FCHSD2: variants seen among roughly 807,000 people sequenced by gnomAD.
FCHSD2 encodes the protein FCH and double SH3 domains 2.
A neutral mutation model predicts 108.1 loss-of-function variants in FCHSD2; 38 were observed. The ratio of observed to expected loss-of-function variants is 0.35; its 90% CI spans 0.27 to 0.46. FCHSD2 has a LOEUF of 0.46. Among genes scored for constraint, FCHSD2 ranks in the 20% least tolerant of loss-of-function variants. The pLI, the probability that FCHSD2 is intolerant of heterozygous loss-of-function variation, is 1.00. For synonymous variants in FCHSD2, 279 were observed against 314.7 expected (o/e 0.89, Z 1.20); for missense variants, 751 against 897.8 (o/e 0.84, Z 2.09).
intron 12 of FCHSD2, among the ~76,000 whole-genome samples, chr11:72,885,056 G>A (rs1855168120): frequency 6.6e-6 from 1 of 152,158 alleles, no homozygotes; most frequent in African/African-American, 2.4e-5. Flanking sequence ...ACAGGCAGAA[G>A]AAAGGAAAAG....
Position 73,070,966 on chromosome 11 carries a change from C to G in FCHSD2, c.165+12729G>C, listed in dbSNP as rs1299864492. On this transcript the variant is annotated intron_variant, in intron 3 of 19. Transcript: ENST00000409418. ...TAAAGCAGAAGTTGCAAACTGGCAT[C>G]CTTCAGATGGGAAGGGCCTTTACAC... 2.0e-5 allele frequency among the ~76,000 whole-genome samples: 3 copies of G among 152,212 alleles called. No homozygotes were observed. The South Asian group carries it at 6.2e-4, about 32-fold the overall frequency.
chr11:72,994,115 A>G (rs7951491), intron 5 of FCHSD2, among the ~76,000 whole-genome samples: 303 of 152,240 alleles, frequency 2.0e-3, no homozygotes, highest in African/African-American at 6.9e-3. Context: ...TGGAGGACCA[A>G]ACAGAATAAC....
chr11:72,952,715 T>C (rs905579393), intron 8 of FCHSD2, among the ~76,000 whole-genome samples: 10 of 152,106 alleles, frequency 6.6e-5, no homozygotes, highest in East Asian at 3.9e-4. Context: ...TAGTGGAAGA[T>C]AAGGGAAGGA....
intron 2 of FCHSD2, among the ~76,000 whole-genome samples, chr11:73,106,328 C>T (rs1049634551): frequency 1.4e-4 from 21 of 151,304 alleles, no homozygotes; most frequent in African/African-American, 5.1e-4. Flanking sequence ...ATTGCTTGAG[C>T]CCATGAAGTC....
intron 4 of FCHSD2, among the ~76,000 whole-genome samples, chr11:73,009,906 G>A (rs1395287132): frequency 6.6e-6 from 1 of 152,106 alleles, no homozygotes; most frequent in East Asian, 1.9e-4. Context: ...CATCTGCCTG[G>A]GGGGGTCTCA....
chr11:73,018,783 A>T (rs1363487380), intron 3 of FCHSD2, among the ~76,000 whole-genome samples: 2 of 152,198 alleles, frequency 1.3e-5, no homozygotes, highest in Non-Finnish European at 2.9e-5. Flanking sequence ...TGGCTTTAAT[A>T]TAATAAATTC....
intron 3 of FCHSD2, among the ~76,000 whole-genome samples, chr11:73,070,548 T>C (rs1460782493): frequency 6.6e-6 from 1 of 152,056 alleles, no homozygotes; most frequent in Admixed American, 6.6e-5. Context: ...CTCAGCCTCC[T>C]GAGTAGCTGG....
intron 19 of FCHSD2, among the ~76,000 whole-genome samples, chr11:72,840,237 CA>C (rs1860872982): frequency 6.6e-6 from 1 of 152,202 alleles, no homozygotes; most frequent in African/African-American, 2.4e-5. Flanking sequence ...GATAAAGACT[CA>C]AGTCCTTAAG....
At chr11:72,935,887 T>C (rs77363286) in intron 8 of FCHSD2, among the ~76,000 whole-genome samples, 3,340 of 147,780 alleles carry the variant, frequency 0.023, 84 homozygotes, top group African/African-American at 0.06. Flanking sequence ...CTATAAAGCT[T>C]GTGTTATCCT....
At chr11:72,880,211 C>T (rs1166412199) in intron 12 of FCHSD2, among the ~76,000 whole-genome samples, 3 of 151,850 alleles carry the variant, frequency 2.0e-5, no homozygotes, top group African/African-American at 7.3e-5. Context: ...AGGACAAAAA[C>T]GAATCCATGT....
Position 72,913,835 on chromosome 11 carries a change from C to CA in FCHSD2, c.828+7992dup, listed in dbSNP as rs71458287. Among the ~76,000 whole-genome samples, 813 of 145,442 alleles carry CA rather than the reference C, an allele frequency of 5.6e-3. 14 individuals carry two copies. Among genetic ancestry groups the CA allele is most frequent in the African/African-American group, 0.015 (588 of 39,492 alleles). ...AACCAAAAAAAACCCAAAAAAAAAACAAAAAAAAAAACCCTAGAAATACAG... is the reference window on the plus strand; with the variant it reads ...AACCAAAAAAAACCCAAAAAAAAAACAAAAAAAAAAAACCCTAGAAATACAG... On this transcript the variant is annotated intron_variant, in intron 9 of 19. Transcript: ENST00000409418.
At chr11:73,033,664 T>C (rs774064152) in intron 3 of FCHSD2, among the ~76,000 whole-genome samples, 3 of 152,226 alleles carry the variant, frequency 2.0e-5, no homozygotes, top group Non-Finnish European at 2.9e-5. Flanking sequence ...ACTCAAACTA[T>C]GGAATTCTAT....
intron 3 of FCHSD2, among the ~76,000 whole-genome samples, chr11:73,083,097 G>A (rs949583568): frequency 6.6e-6 from 1 of 151,960 alleles, no homozygotes; most frequent in African/African-American, 2.4e-5. Flanking sequence ...GCAGAGAATG[G>A]GGCATATAAA....
intron 3 of FCHSD2, among the ~76,000 whole-genome samples, chr11:73,066,081 A>G (rs1322452144): frequency 1.3e-5 from 2 of 152,232 alleles, no homozygotes; most frequent in Non-Finnish European, 2.9e-5. Context: ...AGCTGGAGGC[A>G]TCACGCTACC....
At chr11:72,955,816 C>T (rs1856701409) in intron 8 of FCHSD2, among the ~76,000 whole-genome samples, 1 of 152,170 alleles carries the variant, frequency 6.6e-6, no homozygotes, top group Non-Finnish European at 1.5e-5. Flanking sequence ...GCTTTAGGAG[C>T]TCTGTGCCAG....
At chr11:72,938,084 G>A (rs1281107148) in intron 8 of FCHSD2, among the ~76,000 whole-genome samples, 1 of 151,956 alleles carries the variant, frequency 6.6e-6, no homozygotes, top group East Asian at 1.9e-4. Context: ...TACATCCCCA[G>A]CACCCTCAAT....
At chr11:73,122,797 T>C (rs1260905505) in intron 2 of FCHSD2, among the ~76,000 whole-genome samples, 1 of 152,160 alleles carries the variant, frequency 6.6e-6, no homozygotes, top group Non-Finnish European at 1.5e-5. Flanking sequence ...CCAAAGTGGA[T>C]TATATTTTTC....
rs913861248 is a variant in FCHSD2 at position 72,968,046 on chromosome 11, G to A, written c.705+16042C>T. On this transcript the variant is annotated intron_variant, in intron 8 of 19. Transcript: ENST00000409418. ...GTGGAGCTTGCAGTGAGCCGAGATC[G>A]CACCACTGCACTCCAGCCTGGGCAA... Among the ~76,000 whole-genome samples the A allele has an allele frequency of 8.2e-5, 12 of 146,112 alleles. No homozygotes were observed. The South Asian group carries it at 8.6e-4, about 11-fold the overall frequency.
At chr11:72,839,964 G>A (rs1443978272) in intron 19 of FCHSD2, among the ~76,000 whole-genome samples, 1 of 152,182 alleles carries the variant, frequency 6.6e-6, no homozygotes, top group East Asian at 1.9e-4. Context: ...CCACAGAAAG[G>A]TAGGACCAGA....
Sources: allele counts gnomAD v4.1 joint callset (sites outside exome capture counted in the v4.1 genomes callset), GRCh38; gene constraint gnomAD v4.1.1; transcripts MANE v1.5; gene names NCBI Gene and HGNC (gene_info 2026-07-23, HGNC 2026-07-21).